The following PARVG variants were observed in gnomAD, a reference collection of about 807,000 sequenced individuals.
The protein encoded by PARVG is parvin gamma, also known as gamma-parvin.
Under a neutral mutation model 44.4 loss-of-function variants are expected in PARVG, and 36 were observed. The observed-to-expected ratio is 0.81, with a 90% CI of 0.62 to 1.07. The LOEUF (loss-of-function observed/expected upper bound fraction) is 1.07. Among genes scored for constraint, PARVG ranks in the 50% least tolerant of loss-of-function variants. The pLI is 0.00. For missense variants in PARVG, 407 were observed against 407.4 expected (o/e 1.00, Z 0.01); for synonymous variants, 170 against 174.1 (o/e 0.98, Z 0.19).
chr22:44,178,764 T>G (rs967935168), upstream of PARVG, among the ~76,000 whole-genome samples: 37 of 151,852 alleles, frequency 2.4e-4, no homozygotes, highest in Admixed American at 2.4e-3. Flanking sequence ...ATGTGCTGTG[T>G]GATGCCTGAA....
At chr22:44,191,398 T>A (rs2147228460) in intron 7 of PARVG, among the ~76,000 whole-genome samples, 1 of 133,550 alleles carries the variant, frequency 7.5e-6, no homozygotes, top group East Asian at 2.1e-4. Context: ...ATTTTTTTTT[T>A]TTTTTTTTTT....
chr22:44,198,490 C>A, intron 11 of PARVG, 131 bp from the exon 12 acceptor site: 1 of 729,458 alleles, frequency 1.4e-6, no homozygotes, highest in Admixed American at 2.3e-5. Flanking sequence ...CATGTCTTCC[C>A]CACTTCTCAT....
rs35954868 is a variant in PARVG at position 44,191,388 on chromosome 22, ATTTTTTTTTTTTTT to A, written c.505-647_505-634del. ...GCCACACCCAGTCAGAGTCATTTCT[ATTTTTTTTTTTTTT>A]TTTTTTTTTTTTTGAGATGGCGTCT... On this transcript the variant is annotated intron_variant, in intron 7 of 13. Transcript: ENST00000444313. Among the ~76,000 whole-genome samples, 140 of 63,472 alleles carry A rather than the reference ATTTTTTTTTTTTTT, an allele frequency of 2.2e-3. 2 individuals carry two copies. In the Admixed American group the frequency reaches 0.023, roughly 10 times the overall value. The allele number at this position is 63,472 out of a possible 152,430, so 41.6% of individuals were successfully genotyped here.
Position 44,187,894 on chromosome 22 carries a change from T to G in PARVG, c.247+16T>G. On this transcript the variant is annotated intron_variant, in intron 5 of 13. Transcript: ENST00000444313. ...CACCTATTCCGTAAGTGGCTGTTTC[T>G]GGGGCTGCCTGGGCCTCGGCCCCAT... 3 of 1,613,710 alleles carry G rather than the reference T, an allele frequency of 1.9e-6. No individual in the cohort carries two copies. The South Asian group carries it at 3.3e-5, about 18-fold the overall frequency.
intron 5 of PARVG, 192 bp downstream of exon 5, chr22:44,188,070 C>T (rs960016516): frequency 1.9e-5 from 12 of 621,354 alleles, no homozygotes; most frequent in Admixed American, 1.4e-4. Context: ...GTGAGGGGGC[C>T]GAGCTGGGGC....
intron 7 of PARVG, among the ~76,000 whole-genome samples, chr22:44,191,339 C>T (rs544436554): frequency 3.2e-3 from 491 of 151,822 alleles, no homozygotes; most frequent in Non-Finnish European, 5.2e-3. Flanking sequence ...CTCTGACTCG[C>T]CCCAAGAGAA....
intron 8 of PARVG, 170 bp downstream of exon 8, chr22:44,192,274 A>T (rs2054558607): frequency 1.4e-6 from 1 of 703,914 alleles, no homozygotes; most frequent in Non-Finnish European, 2.3e-6. Context: ...CCACGGCAGC[A>T]CACAGGACCC....
upstream of PARVG, among the ~76,000 whole-genome samples, chr22:44,178,268 C>T (rs1479532793): frequency 1.3e-5 from 2 of 152,094 alleles, no homozygotes; most frequent in Non-Finnish European, 2.9e-5. Flanking sequence ...TGTTAAGAGG[C>T]GAGTCAGATC....
chr22:44,187,492 G>T, intron 4 of PARVG: 1 of 494,248 alleles, frequency 2.0e-6, no homozygotes, highest in East Asian at 3.4e-5. Context: ...TTGGGTATTT[G>T]CTATGGTAGT....
intron 12 of PARVG, among the ~76,000 whole-genome samples, chr22:44,202,196 C>A (rs1390126360): frequency 6.6e-6 from 1 of 152,246 alleles, no homozygotes; most frequent in African/African-American, 2.4e-5. Flanking sequence ...CTGTTTCCCT[C>A]CTGTGGAGCC....
intron 6 of PARVG, among the ~76,000 whole-genome samples, chr22:44,189,946 C>T (rs2054525906): frequency 6.6e-6 from 1 of 151,970 alleles, no homozygotes; most frequent in South Asian, 2.1e-4. Context: ...AGAGAGCGTG[C>T]CAAACACCTA....
At chr22:44,187,908 C>T in intron 5 of PARVG, 30 bp downstream of exon 5, 2 of 1,609,876 alleles carry the variant, frequency 1.2e-6, no homozygotes. Context: ...GCTGCCTGGG[C>T]CTCGGCCCCA....
In PARVG at chr22:44,189,270, C is replaced by T. The variant is rs778390511; in HGVS notation, c.388+16C>T. On this transcript the variant is annotated intron_variant, in intron 6 of 13. Coordinates refer to ENST00000444313, the MANE Select transcript of PARVG (RefSeq NM_022141.7). ...AGCGTGGAGAGTACGTGGGCCACAA[C>T]CTGGCTACCCCTGGGGAGTGTGGGG... is the stretch of plus-strand genomic sequence containing the variant. 1.1e-5 allele frequency: 18 copies of T among 1,613,024 alleles called. No homozygotes were observed. The highest frequency in any genetic ancestry group is 2.7e-5 in the African/African-American group (2 of 74,894).
chr22:44,200,645 C>T (rs909474004), intron 12 of PARVG, among the ~76,000 whole-genome samples: 7 of 152,200 alleles, frequency 4.6e-5, no homozygotes, highest in Non-Finnish European at 5.9e-5. Context: ...TATCTCTCTG[C>T]AGCAGTAGCT....
intron 9 of PARVG, among the ~76,000 whole-genome samples, chr22:44,194,680 A>G (rs929876755): frequency 4.6e-5 from 7 of 151,636 alleles, no homozygotes; most frequent in Admixed American, 2.6e-4. Flanking sequence ...CCATCCATCC[A>G]TCCATCCATC....
In PARVG at chr22:44,192,176, G is replaced by A. The variant is rs2054557526; in HGVS notation, c.560+72G>A. 3.2e-6 allele frequency: 5 copies of A among 1,543,638 alleles called. No homozygotes were observed. In the Admixed American group the frequency reaches 7.0e-5, roughly 22 times the overall value. On this transcript the variant is annotated intron_variant, in intron 8 of 13. Transcript: ENST00000444313. ...GTGGATGGGGGCAGGGTGGGGGCCA[G>A]GGCAGATCTGCCTGACCTTTGTGGG...
upstream of PARVG, among the ~76,000 whole-genome samples, chr22:44,178,244 A>G (rs937542485): frequency 1.3e-5 from 2 of 152,298 alleles, no homozygotes; most frequent in South Asian, 2.1e-4. Context: ...GTTTGAAACT[A>G]TATAAAAGTA....
At chr22:44,178,355 G>A (rs966153831), upstream of PARVG, among the ~76,000 whole-genome samples, 12 of 152,160 alleles carry the variant, frequency 7.9e-5, no homozygotes, top group African/African-American at 2.7e-4. Context: ...CATAATTCCT[G>A]GACTGTGCTG....
chr22:44,203,433 G>A (rs2054736286), intron 12 of PARVG, among the ~76,000 whole-genome samples: 2 of 152,148 alleles, frequency 1.3e-5, no homozygotes, highest in Non-Finnish European at 2.9e-5. Context: ...GACTTCCATA[G>A]TATTTTATTT....
Sources: allele counts gnomAD v4.1 joint callset (sites outside exome capture counted in the v4.1 genomes callset), GRCh38; gene constraint gnomAD v4.1.1; transcripts MANE v1.5; gene names NCBI Gene and HGNC (gene_info 2026-07-23, HGNC 2026-07-21).